C1QTNF1: variants seen among roughly 807,000 people sequenced by gnomAD.
C1QTNF1 encodes C1q and TNF related 1, also known as complement C1q tumor necrosis factor-related protein 1.
In C1QTNF1, 22 loss-of-function variants were observed where a neutral mutation model predicts 27.8. The ratio of observed to expected loss-of-function variants is 0.79; its 90% CI spans 0.56 to 1.13. The LOEUF is 1.13. C1QTNF1 is among the 50% of genes most tolerant of loss of function. The probability of loss-of-function intolerance (pLI) is 0.00; values close to 1 mark genes in which losing one functional copy is unlikely to be tolerated. For synonymous variants in C1QTNF1, 166 were observed against 154.3 expected (o/e 1.08, Z -0.56); for missense variants, 373 against 380.2 (o/e 0.98, Z 0.16).
chr17:79,030,479 C>CTT (rs1207214054), intron 1 of C1QTNF1, among the ~76,000 whole-genome samples: 1,768 of 109,666 alleles, frequency 0.016, 13 homozygotes, highest in African/African-American at 0.027. Flanking sequence ...TTCTTTCTTT[C>CTT]TTTCTTTTTC....
At chr17:79,038,614 C>A (rs1043288248) in intron 1 of C1QTNF1, among the ~76,000 whole-genome samples, 18 of 152,200 alleles carry the variant, frequency 1.2e-4, no homozygotes, top group Admixed American at 3.3e-4. Context: ...GCGATGAGGC[C>A]TGGAGACTGG....
chr17:79,045,670 A>G (rs148443277), intron 2 of C1QTNF1, among the ~76,000 whole-genome samples: 1 of 152,296 alleles, frequency 6.6e-6, no homozygotes, highest in East Asian at 1.9e-4. Flanking sequence ...CCAGGAACAG[A>G]GCTCAGAAAG....
rs1269829167 is a variant in C1QTNF1, at chr17:79,047,561, C to A, written c.319C>A (p.Arg107=). ...LKGEKGDRGD[R]GLQGKYGKTG... is the part of the protein sequence containing the mutation. ...AGGGGAGAAGGGTGACCGCGGAGAT[C>A]GAGGCCTCCAAGGGAAATATGGCAA... is the stretch of plus-strand genomic sequence containing the variant. Residue 107 remains arginine (R), a synonymous_variant, in exon 4 of 4, where the codon CGA becomes AGA. Coordinates refer to ENST00000579760, the MANE Select transcript of C1QTNF1 (RefSeq NM_030968.5). 2.0e-6 allele frequency: 3 copies of A among 1,528,672 alleles called. No individual in the cohort carries two copies. The highest frequency in any genetic ancestry group is 2.8e-5 in the African/African-American group (2 of 71,892). The allele number at this position is 1,528,672 out of a possible 1,614,324, so 94.7% of individuals were successfully genotyped here.
At chr17:79,032,172 G>A (rs566313544) in intron 1 of C1QTNF1, among the ~76,000 whole-genome samples, 2 of 152,302 alleles carry the variant, frequency 1.3e-5, no homozygotes, top group East Asian at 1.9e-4. Context: ...CGGTTCGTCC[G>A]GATGCTGGGG....
rs1430785398 is a variant in C1QTNF1 at position 79,024,383 on chromosome 17, G to C, written c.-126G>C. ...CGTCCTCCGGAAGACCTTTTCCCCT[G>C]CTCTGTTTCCTTCACCGAGTCTGTG... is the stretch of plus-strand genomic sequence containing the variant. On this transcript the variant is annotated 5_prime_UTR_variant, in exon 1 of 4. Coordinates refer to ENST00000579760, the MANE Select transcript of C1QTNF1 (RefSeq NM_030968.5). 1 of 152,244 alleles carries C rather than the reference G, an allele frequency of 6.6e-6. No homozygotes were observed. The highest frequency in any genetic ancestry group is 1.9e-4 in the East Asian group (1 of 5,158). The allele number at this position is 152,244 out of a possible 1,614,324, so 9.4% of individuals were successfully genotyped here. A position where few individuals can be genotyped will look rare whatever the true frequency, so the allele number is the denominator to read the frequency against.
intron 1 of C1QTNF1, chr17:79,043,406 TGTGA>T: frequency 2.2e-6 from 1 of 450,052 alleles, no homozygotes; most frequent in Non-Finnish European, 4.4e-6. Context: ...TGCATGTGAG[TGTGA>T]GTGTATGTGT....
chr17:79,044,223 A>T, intron 2 of C1QTNF1, 100 bp downstream of exon 2: 1 of 1,320,670 alleles, frequency 7.6e-7, no homozygotes, highest in Non-Finnish European at 1.0e-6. Context: ...GTGAGATGTG[A>T]AGGCAAGAAA....
chr17:79,034,206 C>T (rs1048597793), intron 1 of C1QTNF1: 8 of 152,642 alleles, frequency 5.2e-5, no homozygotes, highest in South Asian at 2.1e-4. Flanking sequence ...GGTCGGTCCC[C>T]GAGGGCGTCC....
intron 1 of C1QTNF1, among the ~76,000 whole-genome samples, chr17:79,034,027 G>C (rs1305755023): frequency 6.6e-6 from 1 of 152,178 alleles, no homozygotes; most frequent in Non-Finnish European, 1.5e-5. Flanking sequence ...CCAGGCTGGG[G>C]ATAAAGCCCT....
At chr17:79,035,223 C>A (rs1252834861) in intron 1 of C1QTNF1, among the ~76,000 whole-genome samples, 1 of 152,146 alleles carries the variant, frequency 6.6e-6, no homozygotes, top group Non-Finnish European at 1.5e-5. Context: ...AATCCTCTTG[C>A]AGCAACAGGA....
intron 1 of C1QTNF1, among the ~76,000 whole-genome samples, chr17:79,043,050 A>G (rs1568068702): frequency 1.3e-5 from 2 of 150,462 alleles, no homozygotes; most frequent in African/African-American, 2.4e-5. Context: ...ATGTGTGTGC[A>G]TGTGTGGGTT....
rs751113260 is a variant in C1QTNF1, at chr17:79,046,565, C to T, written c.166C>T (p.Gln56Ter). ...TCTTTATTCCCTCAGGGCTGAAGAA[C>T]AACATGAAAAATACAGGCCCAGTCA... Reference protein sequence around the residue: ...PPDHAERAEEQHEKYRPSQDQ... With the variant: ...PPDHAERAEE The change falls in exon 3 of 4, where the codon CAA becomes TAA. Residue 56 changes from glutamine to a stop codon, truncating the protein, a stop_gained. Transcript: ENST00000579760. LOFTEE classifies it high-confidence loss of function. The surrounding 1 kb of genome is among the most constrained non-coding windows in gnomAD (Gnocchi z 4.8). 6.2e-7 allele frequency: 1 copy of T among 1,614,202 alleles called. No individual in the cohort carries two copies. The highest frequency in any genetic ancestry group is 2.2e-5 in the East Asian group (1 of 44,882).
intron 2 of C1QTNF1, 24 bp downstream of exon 2, chr17:79,044,147 A>G: frequency 1.9e-6 from 3 of 1,577,126 alleles, no homozygotes; most frequent in Non-Finnish European, 2.6e-6. Flanking sequence ...AGGGTGTAAT[A>G]GCAGGAGCTC....
intron 1 of C1QTNF1, among the ~76,000 whole-genome samples, chr17:79,030,485 T>TTTTCTTTCTGTC (rs2072103256): frequency 8.2e-6 from 1 of 121,804 alleles, no homozygotes; most frequent in South Asian, 2.7e-4. Context: ...CTTTCTTTCT[T>TTTTCTTTCTGTC]TTTCTTTCTT....
chr17:79,030,493 CTTTCTTTCTTTCTTTCTT>C (rs2072105169), intron 1 of C1QTNF1, among the ~76,000 whole-genome samples: 3 of 85,350 alleles, frequency 3.5e-5, no homozygotes, highest in African/African-American at 1.2e-4. Flanking sequence ...CTTTTTCTTT[CTTTCTTTCTTTCTTTCTT>C]TCTTTCTTTC....
chr17:79,027,781 C>G (rs954075422), intron 1 of C1QTNF1: 1 of 152,344 alleles, frequency 6.6e-6, no homozygotes, highest in Non-Finnish European at 1.5e-5. Flanking sequence ...ATGAGTGGCT[C>G]TTGGCAAATC....
In C1QTNF1 at chr17:79,047,568, T is replaced by C; in HGVS notation, c.326T>C (p.Leu109Pro). ...AAGGGTGACCGCGGAGATCGAGGCC[T>C]CCAAGGGAAATATGGCAAAACAGGC... ...GEKGDRGDRG[L>P]QGKYGKTGSA... Residue 109 changes from leucine to proline, a missense_variant, in exon 4 of 4, where the codon CTC (leucine) becomes CCC (proline). Physicochemically the swap from Leu to Pro is moderately conservative, Grantham distance 98. Transcript: ENST00000579760. The C allele has an allele frequency of 6.5e-7, 1 of 1,533,608 alleles. No individual in the cohort carries two copies. Among genetic ancestry groups the C allele is most frequent in the Non-Finnish European group, 8.7e-7 (1 of 1,142,858 alleles).
At chr17:79,032,762 G>T (rs2072169068) in intron 1 of C1QTNF1, among the ~76,000 whole-genome samples, 1 of 152,112 alleles carries the variant, frequency 6.6e-6, no homozygotes, top group African/African-American at 2.4e-5. Context: ...TTAATTGGGG[G>T]CTTAAAAGCC....
rs768099885 is a variant in C1QTNF1 at position 79,046,697 on chromosome 17, C to T, written c.295+3C>T. On this transcript the variant is annotated splice_donor_region_variant and intron_variant, in intron 3 of 3. Transcript: ENST00000579760. The surrounding 1 kb of genome is among the most constrained non-coding windows in gnomAD (Gnocchi z 4.8). ...GATCAACATCACTATCTTGAAAGGTCAGATGGCTGCAAAGACAAGCACGGG... is the reference window on the plus strand; with the variant it reads ...GATCAACATCACTATCTTGAAAGGTTAGATGGCTGCAAAGACAAGCACGGG... 5 of 1,614,122 alleles carry T rather than the reference C, an allele frequency of 3.1e-6. No individual in the cohort carries two copies. Among genetic ancestry groups the T allele is most frequent in the Non-Finnish European group, 3.4e-6 (4 of 1,180,004 alleles).
Sources: allele counts gnomAD v4.1 joint callset (sites outside exome capture counted in the v4.1 genomes callset), GRCh38; gene constraint gnomAD v4.1.1; non-coding constraint Gnocchi (gnomAD v3.1); transcripts MANE v1.5; gene names NCBI Gene and HGNC (gene_info 2026-07-23, HGNC 2026-07-21).